PIK3CB: variants seen among roughly 807,000 people sequenced by gnomAD.
PIK3CB encodes phosphatidylinositol-4,5-bisphosphate 3-kinase catalytic subunit beta, also known as phosphatidylinositol 4,5-bisphosphate 3-kinase catalytic subunit beta isoform.
Under a neutral mutation model 136.8 loss-of-function variants are expected in PIK3CB, and 39 were observed. The observed-to-expected ratio is 0.29, with a 90% CI of 0.22 to 0.37. The LOEUF is 0.37. Ranked by LOEUF, PIK3CB falls within the 10% of genes least tolerant of loss-of-function variation. PIK3CB has a pLI of 1.00. For missense variants in PIK3CB, 868 were observed against 1,275.4 expected, an observed-to-expected ratio of 0.68 and a Z score of 4.87; for synonymous variants, 428 against 436.6, an observed-to-expected ratio of 0.98 and a Z score of 0.25.
chr3:138,691,039 C>G lies in PIK3CB; in HGVS notation c.1997G>C (p.Gly666Ala). 1 of 1,613,140 alleles carries G rather than the reference C, an allele frequency of 6.2e-7. No homozygotes were observed. Among genetic ancestry groups the G allele is most frequent in the Non-Finnish European group, 8.5e-7 (1 of 1,179,248 alleles). Residue 666 changes from glycine (G) to alanine (A), a missense_variant, in exon 15 of 24, where the codon GGT becomes GCT. By Grantham distance (60) the Gly-to-Ala change is moderately conservative. Transcript: ENST00000674063. Reference sequence around the variant, plus strand: ...TAGAAACTGCCCTATCCTCCGATTACCAAGTGCTCTTTCTAATAGGAATCT... The same window carrying G: ...TAGAAACTGCCCTATCCTCCGATTAGCAAGTGCTCTTTCTAATAGGAATCT... ...LSRFLLERAL[G>A]NRRIGQFLFW...
rs192952273 is a variant in PIK3CB at position 138,719,718 on chromosome 3, A to G, written c.1051-4999T>C. 5.3e-5 allele frequency among the ~76,000 whole-genome samples: 8 copies of G among 152,096 alleles called. No individual in the cohort carries two copies. In the East Asian group the frequency reaches 1.3e-3, roughly 26 times the overall value. Reference sequence around the variant, plus strand: ...CAATTAAGAAACAGCCCCATCATCAATGTCTGTATCAGCTCTGTATCATCT... The same window carrying G: ...CAATTAAGAAACAGCCCCATCATCAGTGTCTGTATCAGCTCTGTATCATCT... On this transcript the variant is annotated intron_variant, in intron 8 of 23. Transcript: ENST00000674063.
At chr3:138,708,027 C>A (rs565152923) in intron 10 of PIK3CB, among the ~76,000 whole-genome samples, 13 of 152,060 alleles carry the variant, frequency 8.5e-5, no homozygotes, top group African/African-American at 3.1e-4. Context: ...AATCTAAGAT[C>A]CTCTCTCTCC....
At chr3:138,766,155 T>G (rs1193403177) in intron 2 of PIK3CB, among the ~76,000 whole-genome samples, 1 of 152,170 alleles carries the variant, frequency 6.6e-6, no homozygotes, top group African/African-American at 2.4e-5. Flanking sequence ...CCCAGTAATG[T>G]TATAGGTGTT....
chr3:138,833,518 A>G (rs1283994525), intron 1 of PIK3CB, among the ~76,000 whole-genome samples: 1 of 152,288 alleles, frequency 6.6e-6, no homozygotes, highest in East Asian at 1.9e-4. Flanking sequence ...TCCCCAAATG[A>G]TTAATGAACT....
chr3:138,784,766 T>C (rs2045957153), intron 2 of PIK3CB, among the ~76,000 whole-genome samples: 1 of 152,224 alleles, frequency 6.6e-6, no homozygotes, highest in Admixed American at 6.5e-5. Context: ...AGTGGCGTGA[T>C]CTCAGCTCGC....
intron 2 of PIK3CB, among the ~76,000 whole-genome samples, chr3:138,784,918 C>T (rs958033659): frequency 1.3e-5 from 2 of 151,926 alleles, no homozygotes; most frequent in East Asian, 3.9e-4. Flanking sequence ...CCCCTCTGCC[C>T]GGCCGCCACC....
chr3:138,714,723 T>C lies in PIK3CB; in HGVS notation c.1051-4A>G. On this transcript the variant is annotated splice_polypyrimidine_tract_variant and splice_region_variant and intron_variant, in intron 8 of 23. Coordinates refer to ENST00000674063, the MANE Select transcript of PIK3CB (RefSeq NM_006219.3). ...AAAGACCAGCCCTGACATGAACCTG[T>C]AACGAAGCAGACAAAAACAAAAACA... The C allele has an allele frequency of 1.3e-6, 2 of 1,584,592 alleles. No homozygotes were observed. Among genetic ancestry groups the C allele is most frequent in the South Asian group, 1.2e-5 (1 of 85,632 alleles).
At chr3:138,677,248 G>A (rs1475190560) in intron 19 of PIK3CB, among the ~76,000 whole-genome samples, 4 of 151,922 alleles carry the variant, frequency 2.6e-5, no homozygotes, top group African/African-American at 7.3e-5. Context: ...TAGTAGAGAC[G>A]GGGTATCACC....
At chr3:138,813,046 A>G (rs1483344462) in intron 1 of PIK3CB, among the ~76,000 whole-genome samples, 10 of 152,182 alleles carry the variant, frequency 6.6e-5, no homozygotes, top group Non-Finnish European at 2.9e-5. Flanking sequence ...CTGGAGTATT[A>G]TGGGTAAAGG....
At chr3:138,732,862 T>C (rs1227313576) in intron 8 of PIK3CB, among the ~76,000 whole-genome samples, 1 of 151,934 alleles carries the variant, frequency 6.6e-6, no homozygotes, top group Non-Finnish European at 1.5e-5. Flanking sequence ...ATATTCATCA[T>C]CACATATAGT....
intron 1 of PIK3CB, among the ~76,000 whole-genome samples, chr3:138,813,762 T>A (rs1258766662): frequency 6.6e-6 from 1 of 152,102 alleles, no homozygotes; most frequent in African/African-American, 2.4e-5. Flanking sequence ...AGTGTTTTAG[T>A]GGTGGTGATA....
intron 19 of PIK3CB, among the ~76,000 whole-genome samples, chr3:138,669,936 G>C (rs2043499131): frequency 6.6e-6 from 1 of 151,940 alleles, no homozygotes; most frequent in African/African-American, 2.4e-5. Flanking sequence ...AAAAAGGTTT[G>C]GTGAGAAAAA....
intron 1 of PIK3CB, chr3:138,825,601 G>T: frequency 1.6e-6 from 1 of 622,770 alleles, no homozygotes. Context: ...CACCCATAAA[G>T]ATGGCAATGC....
At chr3:138,713,966 T>G (rs1486156513) in intron 9 of PIK3CB, among the ~76,000 whole-genome samples, 2 of 152,222 alleles carry the variant, frequency 1.3e-5, no homozygotes, top group Non-Finnish European at 2.9e-5. Flanking sequence ...ATAGTCACAT[T>G]TAGTGTGAAT....
intron 2 of PIK3CB, among the ~76,000 whole-genome samples, chr3:138,760,026 A>T (rs1559867286): frequency 6.6e-6 from 1 of 151,532 alleles, no homozygotes; most frequent in Non-Finnish European, 1.5e-5. Flanking sequence ...GTTTTACGCC[A>T]TTCTCCTGCC....
At chr3:138,660,308 G>A (rs2043272938) in intron 21 of PIK3CB, among the ~76,000 whole-genome samples, 1 of 152,068 alleles carries the variant, frequency 6.6e-6, no homozygotes, top group South Asian at 2.1e-4. Context: ...TTAACTTTTT[G>A]TTTGTTCCTA....
chr3:138,668,661 A>G (rs984120853), intron 19 of PIK3CB, among the ~76,000 whole-genome samples: 7 of 152,240 alleles, frequency 4.6e-5, no homozygotes, highest in Non-Finnish European at 8.8e-5. Flanking sequence ...ACAGGTATAT[A>G]GCAAGTTATC....
At chr3:138,773,990 C>T (rs894731760) in intron 2 of PIK3CB, among the ~76,000 whole-genome samples, 1 of 152,200 alleles carries the variant, frequency 6.6e-6, no homozygotes, top group African/African-American at 2.4e-5. Flanking sequence ...AGGACAAAGA[C>T]TACCAAAGAC....
intron 8 of PIK3CB, among the ~76,000 whole-genome samples, chr3:138,732,164 ACTTTT>A (rs1241696468): frequency 6.6e-6 from 1 of 152,132 alleles, no homozygotes; most frequent in Non-Finnish European, 1.5e-5. Context: ...TACCACACAC[ACTTTT>A]CTTTTCTGAG....
Sources: allele counts gnomAD v4.1 joint callset (sites outside exome capture counted in the v4.1 genomes callset), GRCh38; gene constraint gnomAD v4.1.1; transcripts MANE v1.5; gene names NCBI Gene and HGNC (gene_info 2026-07-23, HGNC 2026-07-21).